Variants in PPP4R4 observed in about 807,000 individuals in gnomAD.
The protein encoded by PPP4R4 is serine/threonine-protein phosphatase 4 regulatory subunit 4.
In PPP4R4, 70 loss-of-function variants were observed where a neutral mutation model predicts 121.8. The observed-to-expected ratio is 0.57, with a 90% CI of 0.47 to 0.70. The LOEUF is 0.70. PPP4R4 is among the 30% of genes least tolerant of loss of function. PPP4R4 has a pLI of 0.00. For missense variants in PPP4R4, 875 were observed against 1,033.6 expected (o/e 0.85, Z 2.10); for synonymous variants, 348 against 355.7 (o/e 0.98, Z 0.24).
chr14:94,265,990 G>T, intron 22 of PPP4R4, 103 bp downstream of exon 22: 1 of 843,614 alleles, frequency 1.2e-6, no homozygotes, highest in Non-Finnish European at 1.8e-6. Context: ...TAATTTTGAG[G>T]TTTTTTTATA....
rs1433443030 is a variant in PPP4R4, at chr14:94,201,903, G to GT, written c.192-6560dup. Among the ~76,000 whole-genome samples, 3 of 150,156 alleles carry GT rather than the reference G, an allele frequency of 2.0e-5. No homozygotes were observed. In the South Asian group the frequency reaches 6.2e-4, roughly 31 times the overall value. ...ATGGAACCAGCCCAAATGCCCATCA[G>GT]TCAATGAGTAGATAAAGAAAATGTG... On this transcript the variant is annotated intron_variant, in intron 2 of 24. Coordinates refer to ENST00000304338, the MANE Select transcript of PPP4R4 (RefSeq NM_058237.2).
chr14:94,269,650 A>G (rs1187969392), intron 23 of PPP4R4, among the ~76,000 whole-genome samples: 2 of 151,636 alleles, frequency 1.3e-5, no homozygotes, highest in African/African-American at 4.8e-5. Context: ...GCGAGACTCC[A>G]TCTCCAGAAA....
intron 2 of PPP4R4, among the ~76,000 whole-genome samples, chr14:94,202,073 T>C (rs906929473): frequency 6.6e-6 from 1 of 152,116 alleles, no homozygotes; most frequent in East Asian, 1.9e-4. Context: ...AAACATCGTA[T>C]GTTCTCACTT....
intron 24 of PPP4R4, among the ~76,000 whole-genome samples, chr14:94,276,052 A>T (rs1345491662): frequency 7.1e-6 from 1 of 140,530 alleles, no homozygotes; most frequent in Non-Finnish European, 1.5e-5. Context: ...TGCTGTTTGT[A>T]TCTTGATTTG....
Position 94,223,430 on chromosome 14 carries a change from G to A in PPP4R4, c.295-7157G>A, listed in dbSNP as rs1165943878. On this transcript the variant is annotated intron_variant, in intron 3 of 24. Coordinates refer to ENST00000304338, the MANE Select transcript of PPP4R4 (RefSeq NM_058237.2). ...ATTTGAAGCTGGGCTGTCCTCCCCTGCAAAGGACAGTCTATTCAGGACTGC... is the reference window on the plus strand; with the variant it reads ...ATTTGAAGCTGGGCTGTCCTCCCCTACAAAGGACAGTCTATTCAGGACTGC... 2.0e-5 allele frequency among the ~76,000 whole-genome samples: 3 copies of A among 152,132 alleles called. No individual in the cohort carries two copies. The East Asian group carries it at 5.8e-4, about 29-fold the overall frequency.
At position 94,174,337 on chromosome 14, in the gene PPP4R4, T is replaced by C; in HGVS notation, c.-129T>C. ...GGGCCGTGCTCTTGCTCCCGCCGCC[T>C]GGCAGCCTCACGCTCGGCTCCAGCG... On this transcript the variant is annotated 5_prime_UTR_variant, in exon 1 of 25. Transcript: ENST00000304338. 1 of 800,568 alleles carries C rather than the reference T, an allele frequency of 1.2e-6. No individual in the cohort carries two copies. The highest frequency in any genetic ancestry group is 1.6e-6 in the Non-Finnish European group (1 of 606,472). The allele number at this position is 800,568 out of a possible 1,614,324, so 49.6% of individuals were successfully genotyped here.
intron 2 of PPP4R4, among the ~76,000 whole-genome samples, chr14:94,190,695 A>C (rs893157431): frequency 2.6e-5 from 4 of 152,212 alleles, no homozygotes; most frequent in Non-Finnish European, 5.9e-5. Flanking sequence ...CTGGTTAAAA[A>C]AATTAACAGG....
At chr14:94,213,536 G>A (rs1890853731) in intron 3 of PPP4R4, among the ~76,000 whole-genome samples, 1 of 152,186 alleles carries the variant, frequency 6.6e-6, no homozygotes. Context: ...TACAGATACA[G>A]TTAAGGATCT....
intron 3 of PPP4R4, among the ~76,000 whole-genome samples, chr14:94,211,242 A>G: frequency 6.6e-6 from 1 of 152,182 alleles, no homozygotes; most frequent in Non-Finnish European, 1.5e-5. Context: ...ACAGACATTA[A>G]ACAAGTAAAT....
chr14:94,254,149 T>G (rs928191554), intron 16 of PPP4R4, among the ~76,000 whole-genome samples: 2 of 152,200 alleles, frequency 1.3e-5, no homozygotes, highest in Non-Finnish European at 2.9e-5. Context: ...AAGAATTTGA[T>G]CATCTCATGG....
intron 2 of PPP4R4, among the ~76,000 whole-genome samples, chr14:94,200,915 C>T (rs997636318): frequency 6.6e-6 from 1 of 151,740 alleles, no homozygotes; most frequent in African/African-American, 2.4e-5. Context: ...GAGGTGCGAC[C>T]TCAGCTAGTC....
chr14:94,240,874 C>T, intron 9 of PPP4R4, 79 bp downstream of exon 9: 24 of 1,388,234 alleles, frequency 1.7e-5, no homozygotes, highest in East Asian at 2.7e-5. Flanking sequence ...AACTTTGGCT[C>T]TTCAGTTAAT....
At chr14:94,242,468 G>A in intron 11 of PPP4R4, 60 bp downstream of exon 11, 1 of 1,495,506 alleles carries the variant, frequency 6.7e-7, no homozygotes, top group Non-Finnish European at 9.3e-7. Context: ...ATGTATACTA[G>A]ATGATTTTGT....
chr14:94,277,277 G>T (rs927811313), intron 24 of PPP4R4, among the ~76,000 whole-genome samples: 1 of 152,172 alleles, frequency 6.6e-6, no homozygotes, highest in African/African-American at 2.4e-5. Flanking sequence ...CTCCAGCCTG[G>T]GCAACAAGAG....
chr14:94,212,630 G>A (rs1010678818), intron 3 of PPP4R4, among the ~76,000 whole-genome samples: 2 of 151,836 alleles, frequency 1.3e-5, no homozygotes, highest in African/African-American at 4.8e-5. Context: ...TAATCCTAGG[G>A]TATCTATTGA....
At chr14:94,237,947 A>G (rs1892433212) in intron 8 of PPP4R4, among the ~76,000 whole-genome samples, 1 of 152,212 alleles carries the variant, frequency 6.6e-6, no homozygotes, top group South Asian at 2.1e-4. Flanking sequence ...CCACATTTCT[A>G]GAGGCTGGGA....
intron 3 of PPP4R4, chr14:94,227,755 A>C: frequency 1.0e-6 from 1 of 998,630 alleles, no homozygotes. Context: ...GACTCATGTG[A>C]ACTGGAATGT....
chr14:94,242,189 G>T, intron 10 of PPP4R4, 100 bp from the exon 11 acceptor site: 1 of 1,395,292 alleles, frequency 7.2e-7, no homozygotes, highest in South Asian at 1.3e-5. Context: ...TTACAATTCA[G>T]AGAACATGAT....
At chr14:94,272,777 C>T (rs1292149625) in intron 23 of PPP4R4, among the ~76,000 whole-genome samples, 2 of 151,992 alleles carry the variant, frequency 1.3e-5, no homozygotes, top group Admixed American at 1.3e-4. Flanking sequence ...CCAAAATATA[C>T]AAAAAACTTG....
Sources: allele counts gnomAD v4.1 joint callset (sites outside exome capture counted in the v4.1 genomes callset), GRCh38; gene constraint gnomAD v4.1.1; transcripts MANE v1.5; gene names NCBI Gene and HGNC (gene_info 2026-07-23, HGNC 2026-07-21).